The following VDAC2 variants were observed in gnomAD, a reference collection of about 807,000 sequenced individuals.
The protein encoded by VDAC2 is voltage dependent anion channel 2, also known as non-selective voltage-gated ion channel VDAC2.
VDAC2 carries 6 observed loss-of-function variants against 36.6 expected under a neutral mutation model. That is an observed-to-expected ratio of 0.16 (90% confidence interval 0.09 to 0.32). The LOEUF (loss-of-function observed/expected upper bound fraction) is 0.32. Among genes scored for constraint, VDAC2 ranks in the 10% least tolerant of loss-of-function variants. The pLI is 1.00. For synonymous variants in VDAC2, 109 were observed against 123.8 expected, an observed-to-expected ratio of 0.88 and a Z score of 0.79; for missense variants, 247 against 346.0, an observed-to-expected ratio of 0.71 and a Z score of 2.27.
intron 2 of VDAC2, chr10:75,211,644 C>T (rs1847969548): frequency 6.4e-7 from 1 of 1,550,544 alleles, no homozygotes; most frequent in South Asian, 1.2e-5. Flanking sequence ...TGGCCGAGGA[C>T]TTGAGAGTCA....
At chr10:75,222,174 T>C in intron 7 of VDAC2, 78 bp from the exon 8 acceptor site, 1 of 1,419,584 alleles carries the variant, frequency 7.0e-7, no homozygotes, top group Non-Finnish European at 9.5e-7. Context: ...TATTTAAATG[T>C]AATGCTACAA....
At chr10:75,225,353 G>C (rs1841925427) in intron 8 of VDAC2, among the ~76,000 whole-genome samples, 1 of 152,202 alleles carries the variant, frequency 6.6e-6, no homozygotes, top group African/African-American at 2.4e-5. Flanking sequence ...AATGAGGACA[G>C]CTGCCCAGCA....
At chr10:75,218,042 C>A in intron 4 of VDAC2, 2 of 774,828 alleles carry the variant, frequency 2.6e-6, no homozygotes, top group Non-Finnish European at 3.8e-6. Flanking sequence ...CAGCTGTGAT[C>A]ACATCATTGT....
intron 8 of VDAC2, among the ~76,000 whole-genome samples, chr10:75,228,375 C>A (rs1311251419): frequency 6.6e-6 from 1 of 152,052 alleles, no homozygotes; most frequent in Non-Finnish European, 1.5e-5. Flanking sequence ...TTCCACTCAC[C>A]CCCCACTTCC....
At chr10:75,210,413 C>A (rs998046381), upstream of VDAC2, among the ~76,000 whole-genome samples, 11 of 152,182 alleles carry the variant, frequency 7.2e-5, no homozygotes, top group Admixed American at 2.0e-4. Context: ...CGCACCAGCG[C>A]GTAAGGGGAG....
intron 4 of VDAC2, among the ~76,000 whole-genome samples, chr10:75,215,238 T>A (rs1841562024): frequency 6.6e-6 from 1 of 151,942 alleles, no homozygotes; most frequent in Non-Finnish European, 1.5e-5. Flanking sequence ...TTGTGAAATT[T>A]TTTTTACTTA....
intron 2 of VDAC2, chr10:75,211,451 A>G: frequency 3.3e-6 from 5 of 1,493,204 alleles, no homozygotes; most frequent in Non-Finnish European, 4.5e-6. Flanking sequence ...TAGAAGTAAA[A>G]AGTTGTTAAT....
intron 8 of VDAC2, among the ~76,000 whole-genome samples, chr10:75,228,274 C>CTTT (rs59508378): frequency 7.5e-6 from 1 of 132,792 alleles, no homozygotes; most frequent in African/African-American, 2.8e-5. Flanking sequence ...ATTTTTCTTT[C>CTTT]TTTTTTTTTT....
At chr10:75,219,267 C>CAA in intron 5 of VDAC2, 37 bp from the exon 6 acceptor site, 1 of 1,559,606 alleles carries the variant, frequency 6.4e-7, no homozygotes, top group South Asian at 1.2e-5. Context: ...TTTTGTATTT[C>CAA]AAAAAAAGAA....
intron 8 of VDAC2, among the ~76,000 whole-genome samples, chr10:75,223,094 C>T (rs1322499510): frequency 6.6e-6 from 1 of 151,678 alleles, no homozygotes; most frequent in African/African-American, 2.4e-5. Flanking sequence ...AGCTCTTCTG[C>T]CTCAGCCTCC....
At chr10:75,224,687 C>T (rs908172550) in intron 8 of VDAC2, among the ~76,000 whole-genome samples, 1 of 152,082 alleles carries the variant, frequency 6.6e-6, no homozygotes, top group African/African-American at 2.4e-5. Flanking sequence ...TGAAAGAGTG[C>T]TGGATTGTAC....
chr10:75,226,556 G>A (rs900293239), intron 8 of VDAC2, among the ~76,000 whole-genome samples: 5 of 150,154 alleles, frequency 3.3e-5, no homozygotes, highest in Admixed American at 2.0e-4. Context: ...TCCGCCTCTC[G>A]GGTTCAAGCA....
In VDAC2 at chr10:75,217,785, T is replaced by C. The variant is rs117328625; in HGVS notation, c.151-1278T>C. The C allele has an allele frequency of 4.1e-3, 2,610 of 630,936 alleles. 12 individuals are homozygous for C. The highest frequency in any genetic ancestry group is 6.3e-3 in the Admixed American group (180 of 28,732). 39.1% of individuals were successfully genotyped at this position (630,936 alleles called of 1,614,324 possible). A position where few individuals can be genotyped will look rare whatever the true frequency, so the allele number is the denominator to read the frequency against. ...GTGATGTAAGACCTAAGGATTTGTC[T>C]CTAACAGCAGAGCAATAGTTATACA... On this transcript the variant is annotated intron_variant, in intron 4 of 9. Coordinates refer to ENST00000332211, the MANE Select transcript of VDAC2 (RefSeq NM_001391963.1).
chr10:75,227,604 C>CA lies in VDAC2; in HGVS notation c.736-2039dup, dbSNP rs562808735. Among the ~76,000 whole-genome samples, 345 of 49,210 alleles carry CA rather than the reference C, an allele frequency of 7.0e-3. 1 individual carries two copies. Among genetic ancestry groups the CA allele is most frequent in the Admixed American group, 0.02 (69 of 3,450 alleles). 32.3% of individuals were successfully genotyped at this position (49,210 alleles called of 152,430 possible). A position where few individuals can be genotyped will look rare whatever the true frequency, so the allele number is the denominator to read the frequency against. ...TTTTTTTTTTTTTTTTTTTTGGAGA[C>CA]AGAGTCTCACTTTGTTACCCTGGCT... is the stretch of plus-strand genomic sequence containing the variant. On this transcript the variant is annotated intron_variant, in intron 8 of 9. Coordinates refer to ENST00000332211, the MANE Select transcript of VDAC2 (RefSeq NM_001391963.1).
chr10:75,217,841 G>A (rs1481537585), intron 4 of VDAC2: 10 of 1,134,654 alleles, frequency 8.8e-6, no homozygotes, highest in African/African-American at 1.6e-5. Context: ...AAGGTTGACT[G>A]GCCTTTCCTC....
chr10:75,211,112 G>C, intron 1 of VDAC2, 22 bp from the exon 2 acceptor site: 1 of 1,596,018 alleles, frequency 6.3e-7, no homozygotes. Context: ...CCAGCTTACC[G>C]CACTTCTTGT....
intron 8 of VDAC2, chr10:75,229,420 C>T: frequency 2.6e-6 from 1 of 390,728 alleles, no homozygotes; most frequent in Non-Finnish European, 4.6e-6. Flanking sequence ...GGATACATTC[C>T]AGTGGCTATC....
intron 8 of VDAC2, among the ~76,000 whole-genome samples, chr10:75,226,381 A>G (rs922878858): frequency 6.7e-6 from 1 of 149,776 alleles, no homozygotes; most frequent in Non-Finnish European, 1.5e-5. Context: ...TTTTGTTGAG[A>G]TATTTGGCCA....
intron 4 of VDAC2, chr10:75,217,994 A>T (rs1403163375): frequency 8.1e-7 from 1 of 1,229,958 alleles, no homozygotes; most frequent in Non-Finnish European, 1.1e-6. Flanking sequence ...AGGCTGAGGT[A>T]CGTGGATCAC....
Sources: gnomAD v4.1 joint callset for allele counts (sites outside exome capture counted in the v4.1 genomes callset) on GRCh38, gnomAD v4.1.1 for gene constraint, MANE v1.5 for transcripts, NCBI Gene and HGNC (gene_info 2026-07-23, HGNC 2026-07-21) for gene names.